The following SMARCA2 variants were observed in gnomAD, a reference collection of about 807,000 sequenced individuals.
The protein encoded by SMARCA2 is SWI/SNF related BAF chromatin remodeling complex subunit ATPase 2.
Under a neutral mutation model 199.8 loss-of-function variants are expected in SMARCA2, and 61 were observed. The ratio of observed to expected loss-of-function variants is 0.31; its 90% CI spans 0.25 to 0.38. The LOEUF (loss-of-function observed/expected upper bound fraction) is 0.38. SMARCA2 is among the 10% of genes least tolerant of loss of function. The pLI is 1.00. For synonymous variants in SMARCA2, 935 were observed against 732.0 expected (o/e 1.28, Z -4.48); for missense variants, 1,344 against 2,012.2 (o/e 0.67, Z 6.35).
At chr9:2,075,729 C>G (rs1004745175) in intron 12 of SMARCA2, among the ~76,000 whole-genome samples, 2 of 152,130 alleles carry the variant, frequency 1.3e-5, no homozygotes, top group African/African-American at 4.8e-5. Flanking sequence ...GTGATCTTGG[C>G]TCACTGGAAC....
chr9:2,111,832 G>A (rs979063921), intron 24 of SMARCA2, among the ~76,000 whole-genome samples: 1 of 152,116 alleles, frequency 6.6e-6, no homozygotes, highest in Non-Finnish European at 1.5e-5. Context: ...TCATACAGAT[G>A]AGGAGCACTG....
rs556868978 is a variant in SMARCA2 at position 2,043,481 on chromosome 9, A to T, written c.790+3581A>T. On this transcript the variant is annotated intron_variant, in intron 4 of 33. Coordinates refer to ENST00000349721, the MANE Select transcript of SMARCA2 (RefSeq NM_003070.5). ...TTCAGAGATTCAAACAAAAAGAAAA[A>T]TGGGAACTGAAAAAATTTGGGGTTT... The T allele has an allele frequency of 2.0e-5, 3 of 152,364 alleles. No individual in the cohort carries two copies. In the South Asian group the frequency reaches 6.2e-4, roughly 32 times the overall value. The allele number at this position is 152,364 out of a possible 1,614,324, so 9.4% of individuals were successfully genotyped here.
intron 9 of SMARCA2, among the ~76,000 whole-genome samples, chr9:2,070,065 T>A (rs1344010548): frequency 6.6e-6 from 1 of 152,166 alleles, no homozygotes; most frequent in Non-Finnish European, 1.5e-5. Flanking sequence ...TTGAGCTAAT[T>A]ATGTCAGGAT....
intron 27 of SMARCA2, among the ~76,000 whole-genome samples, chr9:2,157,312 G>T (rs1272643709): frequency 1.3e-5 from 2 of 152,106 alleles, no homozygotes; most frequent in Non-Finnish European, 2.9e-5. Context: ...CTGAATTTTG[G>T]AATCAAGTTT....
chr9:2,052,335 G>T (rs1053957178), intron 5 of SMARCA2, among the ~76,000 whole-genome samples: 1 of 152,154 alleles, frequency 6.6e-6, no homozygotes, highest in African/African-American at 2.4e-5. Flanking sequence ...TTAGCTGGGC[G>T]TGGTGGCACG....
rs1233285033 is a variant in SMARCA2, at chr9:2,017,462, T to G, written c.-37+2058T>G. ...GAGCAGCGGCTCGGGCAGCTGCTCC[T>G]GCCCGCACCCTCCCCTGGAGCCCGG... On this transcript the variant is annotated intron_variant, in intron 1 of 33. Coordinates refer to ENST00000349721, the MANE Select transcript of SMARCA2 (RefSeq NM_003070.5). This position sits in a 1 kb window ranked among gnomAD's most constrained non-coding sequence, Gnocchi z 8.8. 1 of 152,004 alleles carries G rather than the reference T, an allele frequency of 6.6e-6. No homozygotes were observed. Among genetic ancestry groups the G allele is most frequent in the Non-Finnish European group, 1.5e-5 (1 of 68,366 alleles). 9.4% of individuals were successfully genotyped at this position (152,004 alleles called of 1,614,324 possible). A position where few individuals can be genotyped will look rare whatever the true frequency, so the allele number is the denominator to read the frequency against.
chr9:2,093,721 A>T (rs13302485), intron 19 of SMARCA2, among the ~76,000 whole-genome samples: 16,333 of 152,230 alleles, frequency 0.11, 952 homozygotes, highest in Admixed American at 0.15. Context: ...CTCTTTTCCC[A>T]TTCCTAGTAT....
chr9:2,029,514 T>C (rs997681071), intron 2 of SMARCA2, among the ~76,000 whole-genome samples: 2 of 152,216 alleles, frequency 1.3e-5, no homozygotes, highest in African/African-American at 4.8e-5. Context: ...GATTTGTGGG[T>C]TGAAGGTATT....
chr9:2,028,883 A>T, intron 1 of SMARCA2, 104 bp from the exon 2 acceptor site: 5 of 934,344 alleles, frequency 5.4e-6, no homozygotes, highest in Non-Finnish European at 8.2e-6. Context: ...GCTCTGTTTG[A>T]TGTTTGTTAC....
At chr9:2,030,152 T>TGAA (rs1372015495) in intron 2 of SMARCA2, among the ~76,000 whole-genome samples, 3 of 152,176 alleles carry the variant, frequency 2.0e-5, no homozygotes, top group Non-Finnish European at 4.4e-5. Flanking sequence ...AGTAGGTGTA[T>TGAA]TCATTAGGAT....
At chr9:2,095,975 G>T (rs1822258877) in intron 19 of SMARCA2, among the ~76,000 whole-genome samples, 1 of 152,200 alleles carries the variant, frequency 6.6e-6, no homozygotes, top group Admixed American at 6.5e-5. Context: ...CCATGAGCAT[G>T]TGAATTCCCC....
intron 24 of SMARCA2, among the ~76,000 whole-genome samples, chr9:2,114,672 C>G (rs1303602341): frequency 6.6e-6 from 1 of 152,134 alleles, no homozygotes; most frequent in Non-Finnish European, 1.5e-5. Flanking sequence ...TTAGGTAATT[C>G]TGTTTCATGG....
chr9:2,188,693 C>T (rs1827662984), intron 32 of SMARCA2, among the ~76,000 whole-genome samples: 1 of 152,296 alleles, frequency 6.6e-6, no homozygotes, highest in Middle Eastern at 3.4e-3. Flanking sequence ...TTTAATACAA[C>T]ACAAACTTAT....
chr9:2,132,047 A>G (rs1288745039), intron 27 of SMARCA2, among the ~76,000 whole-genome samples: 1 of 152,182 alleles, frequency 6.6e-6, no homozygotes, highest in Non-Finnish European at 1.5e-5. Flanking sequence ...AAAGCTATGT[A>G]ATACCAAGCT....
In SMARCA2 at chr9:2,123,633, G is replaced by T; in HGVS notation, c.3763-86G>T. On this transcript the variant is annotated intron_variant, in intron 26 of 33. Coordinates refer to ENST00000349721, the MANE Select transcript of SMARCA2 (RefSeq NM_003070.5). The surrounding 1 kb of genome is among the most constrained non-coding windows in gnomAD (Gnocchi z 4.1). ...GAAAGGGACCCTGCAGCCATAGGAA[G>T]TGACTTGGGGAAGTTGTGTAGTGCT... 2 of 1,172,538 alleles carry T rather than the reference G, an allele frequency of 1.7e-6. No individual in the cohort carries two copies. Among genetic ancestry groups the T allele is most frequent in the East Asian group, 2.4e-5 (1 of 41,294 alleles). 72.6% of individuals were successfully genotyped at this position (1,172,538 alleles called of 1,614,324 possible). A position where few individuals can be genotyped will look rare whatever the true frequency, so the allele number is the denominator to read the frequency against.
chr9:2,038,057 AC>A (rs1199075779), intron 3 of SMARCA2, among the ~76,000 whole-genome samples: 2 of 152,066 alleles, frequency 1.3e-5, no homozygotes, highest in Non-Finnish European at 2.9e-5. Context: ...CAAACAGTTT[AC>A]TCTCATTTTT....
intron 24 of SMARCA2, among the ~76,000 whole-genome samples, chr9:2,111,272 G>A (rs1448308078): frequency 6.6e-6 from 1 of 151,648 alleles, no homozygotes; most frequent in African/African-American, 2.4e-5. Context: ...GGATTGCTTT[G>A]AGCCCAGGAA....
At chr9:2,034,770 A>G (rs922101050) in intron 3 of SMARCA2, among the ~76,000 whole-genome samples, 8 of 152,290 alleles carry the variant, frequency 5.3e-5, no homozygotes, top group South Asian at 2.1e-4. Flanking sequence ...GTATTTGAAC[A>G]GGCTTTTGAA....
rs189476291 is a variant in SMARCA2 at position 2,192,833 on chromosome 9, T to G, written c.*94T>G. Reference sequence around the variant, plus strand: ...TTCATTTGTCATATAGGCACTGGGTTGTTTCTATATCATCATCGTCTATAA... The same window carrying G: ...TTCATTTGTCATATAGGCACTGGGTGGTTTCTATATCATCATCGTCTATAA... On this transcript the variant is annotated 3_prime_UTR_variant, in exon 34 of 34. Coordinates refer to ENST00000349721, the MANE Select transcript of SMARCA2 (RefSeq NM_003070.5). 61 of 857,692 alleles carry G rather than the reference T, an allele frequency of 7.1e-5. 1 individual carries two copies. In the African/African-American group the frequency reaches 9.6e-4, roughly 13 times the overall value. The allele number at this position is 857,692 out of a possible 1,614,324, so 53.1% of individuals were successfully genotyped here. A position where few individuals can be genotyped will look rare whatever the true frequency, so the allele number is the denominator to read the frequency against.
Sources: gnomAD v4.1 joint callset for allele counts (sites outside exome capture counted in the v4.1 genomes callset) on GRCh38, gnomAD v4.1.1 for gene constraint, Gnocchi (gnomAD v3.1) non-coding constraint, MANE v1.5 for transcripts, NCBI Gene and HGNC (gene_info 2026-07-23, HGNC 2026-07-21) for gene names.